The following FBXO4 variants were observed in gnomAD, a reference collection of about 807,000 sequenced individuals.
The protein encoded by FBXO4 is F-box only protein 4.
In FBXO4, 36 loss-of-function variants were observed where a neutral mutation model predicts 43.7. The ratio of observed to expected loss-of-function variants is 0.82; its 90% CI spans 0.63 to 1.09. The LOEUF (loss-of-function observed/expected upper bound fraction) is 1.09. Among genes scored for constraint, FBXO4 ranks in the 50% least tolerant of loss-of-function variants. The probability of loss-of-function intolerance (pLI) is 0.00; values close to 1 mark genes in which losing one functional copy is unlikely to be tolerated. For synonymous variants in FBXO4, 180 were observed against 165.6 expected (o/e 1.09, Z -0.67); for missense variants, 435 against 474.1 (o/e 0.92, Z 0.77).
intron 1 of FBXO4, 26 bp downstream of exon 1, chr5:41,925,524 G>T: frequency 7.7e-7 from 1 of 1,301,676 alleles, no homozygotes. Flanking sequence ...AGGCCGCGGA[G>T]GACAGTGGGG....
At chr5:41,960,181 A>C in the FBXO4 span, among the ~76,000 whole-genome samples, 1 of 152,088 alleles carries the variant, frequency 6.6e-6, no homozygotes, top group Non-Finnish European at 1.5e-5. Context: ...ACGTGTAGAA[A>C]TACTACTGAT....
the FBXO4 span, among the ~76,000 whole-genome samples, chr5:42,001,115 T>C: frequency 4.6e-5 from 7 of 152,238 alleles, no homozygotes; most frequent in Non-Finnish European, 7.3e-5. Context: ...GTAAACAATG[T>C]CATTGGAATT....
At chr5:41,943,928 CAAAA>C (rs1752039948), downstream of FBXO4, among the ~76,000 whole-genome samples, 2 of 152,236 alleles carry the variant, frequency 1.3e-5, no homozygotes, top group South Asian at 2.1e-4. Flanking sequence ...TATAGACAGA[CAAAA>C]GACCACATGA....
the FBXO4 span, among the ~76,000 whole-genome samples, chr5:42,009,341 C>G: frequency 2.6e-5 from 4 of 151,188 alleles, no homozygotes; most frequent in East Asian, 7.9e-4. Context: ...CCCTGTGAAA[C>G]CTTTACCTAC....
chr5:42,029,519 A>T, the FBXO4 span, among the ~76,000 whole-genome samples: 1 of 151,978 alleles, frequency 6.6e-6, no homozygotes, highest in Non-Finnish European at 1.5e-5. Context: ...TTATCCCTTT[A>T]AATACATTTC....
At chr5:41,970,220 G>A in the FBXO4 span, among the ~76,000 whole-genome samples, 1 of 152,002 alleles carries the variant, frequency 6.6e-6, no homozygotes, top group African/African-American at 2.4e-5. Context: ...TTTAAGTGGA[G>A]TATCCTGAAA....
chr5:42,005,171 A>C, the FBXO4 span, among the ~76,000 whole-genome samples: 1 of 152,308 alleles, frequency 6.6e-6, no homozygotes, highest in East Asian at 1.9e-4. Flanking sequence ...ACAGCCGGAG[A>C]ACCTGAGGGT....
the FBXO4 span, among the ~76,000 whole-genome samples, chr5:41,993,618 GATATAT>G: frequency 2.6e-4 from 36 of 136,668 alleles, 1 homozygote; most frequent in African/African-American, 7.7e-4. Context: ...GAACTAATAG[GATATAT>G]ATATATATAT....
chr5:42,010,797 A>G, the FBXO4 span, among the ~76,000 whole-genome samples: 1 of 152,158 alleles, frequency 6.6e-6, no homozygotes, highest in South Asian at 2.1e-4. Context: ...CTGCATCATT[A>G]TACATTTCTA....
chr5:42,028,031 A>G, the FBXO4 span, among the ~76,000 whole-genome samples: 2 of 151,942 alleles, frequency 1.3e-5, no homozygotes, highest in Non-Finnish European at 2.9e-5. Flanking sequence ...TATTCTGTAA[A>G]TACTTATTAG....
At chr5:41,993,996 C>G in the FBXO4 span, among the ~76,000 whole-genome samples, 1 of 152,126 alleles carries the variant, frequency 6.6e-6, no homozygotes, top group Non-Finnish European at 1.5e-5. Context: ...TACCCAGGAT[C>G]AGTATTTTGT....
At chr5:42,036,951 A>G in the FBXO4 span, among the ~76,000 whole-genome samples, 4 of 151,984 alleles carry the variant, frequency 2.6e-5, no homozygotes, top group Non-Finnish European at 5.9e-5. Context: ...GGCTAATCCC[A>G]TTCCTCAGTC....
chr5:41,952,575 A>T, the FBXO4 span, among the ~76,000 whole-genome samples: 1 of 152,152 alleles, frequency 6.6e-6, no homozygotes, highest in Non-Finnish European at 1.5e-5. Context: ...CATCACCTCA[A>T]AAAGGAACTT....
chr5:42,019,382 G>A, the FBXO4 span, among the ~76,000 whole-genome samples: 2 of 152,062 alleles, frequency 1.3e-5, no homozygotes, highest in African/African-American at 2.4e-5. Flanking sequence ...CTTTTTAAAT[G>A]TGTCTACTAG....
chr5:41,949,152 A>G, the FBXO4 span, among the ~76,000 whole-genome samples: 1 of 152,230 alleles, frequency 6.6e-6, no homozygotes. Flanking sequence ...GAAAACAGGC[A>G]TAAGACAAGG....
the FBXO4 span, among the ~76,000 whole-genome samples, chr5:41,999,338 T>C: frequency 2.0e-5 from 3 of 148,594 alleles, no homozygotes; most frequent in African/African-American, 7.4e-5. Flanking sequence ...CCACTCCTGG[T>C]ACCAAAATAT....
chr5:41,982,658 C>G, the FBXO4 span, among the ~76,000 whole-genome samples: 1 of 151,880 alleles, frequency 6.6e-6, no homozygotes, highest in African/African-American at 2.4e-5. Flanking sequence ...GTCTAATTTG[C>G]CTACTAATTC....
At chr5:41,943,846 G>A (rs1348719005), downstream of FBXO4, among the ~76,000 whole-genome samples, 1 of 152,136 alleles carries the variant, frequency 6.6e-6, no homozygotes, top group African/African-American at 2.4e-5. Context: ...CCTTCAAAGA[G>A]AGAATTAAGG....
At chr5:41,928,039 A>T (rs1205562584) in intron 2 of FBXO4, among the ~76,000 whole-genome samples, 9 of 151,884 alleles carry the variant, frequency 5.9e-5, no homozygotes, top group Non-Finnish European at 1.3e-4. Context: ...AAAATACAGA[A>T]TTTTTTTTTC....
Sources: allele counts gnomAD v4.1 joint callset (sites outside exome capture counted in the v4.1 genomes callset), GRCh38; gene constraint gnomAD v4.1.1; transcripts MANE v1.5; gene names NCBI Gene and HGNC (gene_info 2026-07-23, HGNC 2026-07-21).